SORBS2: variants seen among roughly 807,000 people sequenced by gnomAD.
The protein encoded by SORBS2 is sorbin and SH3 domain-containing protein 2.
A neutral mutation model predicts 97.7 loss-of-function variants in SORBS2; 46 were observed. The ratio of observed to expected loss-of-function variants is 0.47; its 90% CI spans 0.37 to 0.60. SORBS2 has a LOEUF of 0.60. Ranked by LOEUF, SORBS2 falls within the 20% of genes least tolerant of loss-of-function variation. The pLI, the probability that SORBS2 is intolerant of heterozygous loss-of-function variation, is 0.00. For missense variants in SORBS2, 1,316 were observed against 1,282.3 expected, an observed-to-expected ratio of 1.03 and a Z score of -0.40; for synonymous variants, 476 against 473.4, an observed-to-expected ratio of 1.01 and a Z score of -0.07.
intron 1 of SORBS2, among the ~76,000 whole-genome samples, chr4:185,838,361 A>G (rs1028357649): frequency 3.3e-5 from 5 of 152,096 alleles, no homozygotes; most frequent in Non-Finnish European, 5.9e-5. Flanking sequence ...TGGGCAGGCC[A>G]CCATCATGCC....
chr4:185,717,686 C>T (rs1019100178), intron 2 of SORBS2, among the ~76,000 whole-genome samples: 1 of 152,166 alleles, frequency 6.6e-6, no homozygotes, highest in Non-Finnish European at 1.5e-5. Flanking sequence ...GACTGTGATA[C>T]TTCTGAGCCC....
intron 1 of SORBS2, among the ~76,000 whole-genome samples, chr4:185,891,774 A>T (rs2099242656): frequency 6.6e-6 from 1 of 152,182 alleles, no homozygotes; most frequent in African/African-American, 2.4e-5. Context: ...GCAATGCCAT[A>T]GTCTCAGTGA....
In SORBS2 at chr4:185,615,170, CA is replaced by C. The variant is rs1561425130; in HGVS notation, c.2352-12del. ...TTAAATGACAACTCCCTGGAAGAGA[CA>C]CGTTGACATGGTCTTTTTGTGATGT... On this transcript the variant is annotated splice_polypyrimidine_tract_variant and intron_variant, in intron 9 of 14. Coordinates refer to ENST00000418609, the Ensembl canonical transcript of SORBS2. 4 of 1,477,130 alleles carry C rather than the reference CA, an allele frequency of 2.7e-6. No homozygotes were observed. Among genetic ancestry groups the C allele is most frequent in the Middle Eastern group, 3.5e-4 (2 of 5,776 alleles). The allele number at this position is 1,477,130 out of a possible 1,614,324, so 91.5% of individuals were successfully genotyped here.
intron 1 of SORBS2, among the ~76,000 whole-genome samples, chr4:185,934,781 C>CAAAAAAAA (rs397996572): frequency 9.9e-6 from 1 of 100,848 alleles, no homozygotes. Flanking sequence ...GACTCCATCT[C>CAAAAAAAA]AAAAAAAAAA....
intron 4 of SORBS2, among the ~76,000 whole-genome samples, chr4:185,668,825 T>G (rs750810776): frequency 6.6e-6 from 1 of 152,170 alleles, no homozygotes; most frequent in Non-Finnish European, 1.5e-5. Flanking sequence ...AAGGCTAAGG[T>G]GTTTGAATAG....
intron 4 of SORBS2, among the ~76,000 whole-genome samples, chr4:185,643,558 G>C (rs561757991): frequency 6.6e-6 from 1 of 152,174 alleles, no homozygotes; most frequent in Non-Finnish European, 1.5e-5. Context: ...GTAGGGAAAT[G>C]AATCAGGTGG....
Position 185,807,988 on chromosome 4 carries a change from G to A in SORBS2, c.-337-32622C>T, listed in dbSNP as rs533963400. Among the ~76,000 whole-genome samples, 31 of 152,086 alleles carry A rather than the reference G, an allele frequency of 2.0e-4. No individual in the cohort carries two copies. In the South Asian group the frequency reaches 6.0e-3, roughly 30 times the overall value. On this transcript the variant is annotated intron_variant, in intron 1 of 20. Transcript: ENST00000284776. ...ATAGAAAATGTTAGAAACAGTACAGGCATATTACAAAATCATGGTTTCTGA... is the reference window on the plus strand; with the variant it reads ...ATAGAAAATGTTAGAAACAGTACAGACATATTACAAAATCATGGTTTCTGA...
chr4:185,629,052 T>C (rs1226234310), intron 5 of SORBS2, among the ~76,000 whole-genome samples: 5 of 152,224 alleles, frequency 3.3e-5, no homozygotes, highest in Non-Finnish European at 5.9e-5. Flanking sequence ...GTGCTTTCTT[T>C]ATGTTTTTGT....
chr4:185,752,466 T>C (rs577380912), intron 2 of SORBS2, among the ~76,000 whole-genome samples: 53 of 152,244 alleles, frequency 3.5e-4, no homozygotes, highest in East Asian at 9.7e-4. Flanking sequence ...TTAGTAGATA[T>C]GGGGTTTCAC....
At chr4:185,753,573 A>T (rs2098813614) in intron 2 of SORBS2, among the ~76,000 whole-genome samples, 1 of 152,214 alleles carries the variant, frequency 6.6e-6, no homozygotes, top group Admixed American at 6.5e-5. Flanking sequence ...TAAAGTAAAA[A>T]AGATAATTTT....
At chr4:185,748,097 A>T (rs531522602) in intron 2 of SORBS2, among the ~76,000 whole-genome samples, 43 of 152,134 alleles carry the variant, frequency 2.8e-4, no homozygotes, top group Non-Finnish European at 1.3e-4. Context: ...TATTTAAGGT[A>T]CATTTTGTAA....
chr4:185,591,428 AG>A (rs748860051), intron 13 of SORBS2, among the ~76,000 whole-genome samples: 2 of 152,194 alleles, frequency 1.3e-5, no homozygotes, highest in Non-Finnish European at 2.9e-5. Context: ...GTGGCCAAAA[AG>A]ACAGGCAGGT....
chr4:185,806,170 C>G (rs905664377), intron 1 of SORBS2, among the ~76,000 whole-genome samples: 3 of 152,220 alleles, frequency 2.0e-5, no homozygotes, highest in Non-Finnish European at 4.4e-5. Context: ...ACCAGCCAGG[C>G]TGCTGCCTCT....
chr4:185,635,517 G>T, intron 4 of SORBS2, 106 bp from the exon 16 acceptor site: 1 of 817,794 alleles, frequency 1.2e-6, no homozygotes, highest in Non-Finnish European at 2.0e-6. Context: ...GTTAGAAATT[G>T]AGTGTTGACA....
In SORBS2 at chr4:185,894,783, G is replaced by A. The variant is rs2099244200; in HGVS notation, c.-338+61413C>T. Reference sequence around the variant, plus strand: ...AAAACACACCATCATCCCAGATGATGCAACCCACTCCCTCAGCAAACATCA... The same window carrying A: ...AAAACACACCATCATCCCAGATGATACAACCCACTCCCTCAGCAAACATCA... On this transcript the variant is annotated intron_variant, in intron 1 of 20. Transcript: ENST00000284776. 3.3e-5 allele frequency among the ~76,000 whole-genome samples: 5 copies of A among 152,312 alleles called. No homozygotes were observed. The South Asian group carries it at 1.0e-3, about 32-fold the overall frequency.
intron 2 of SORBS2, chr4:185,771,495 A>T (rs1467323434): frequency 6.6e-6 from 1 of 152,252 alleles, no homozygotes; most frequent in Non-Finnish European, 1.5e-5. Flanking sequence ...TAAATGCTAC[A>T]CTATGACTGG....
At chr4:185,692,776 G>C (rs926116456) in intron 2 of SORBS2, among the ~76,000 whole-genome samples, 1 of 147,030 alleles carries the variant, frequency 6.8e-6, no homozygotes, top group African/African-American at 2.5e-5. Context: ...TGTAATCCTC[G>C]TTTTGCTATA....
exon 7 of SORBS2, chr4:185,624,234 A>G: frequency 1.9e-6 from 3 of 1,614,148 alleles, no homozygotes; most frequent in Non-Finnish European, 2.5e-6. Flanking sequence ...GGGTCCGGGA[A>G]GCTATCGCAG....
intron 1 of SORBS2, among the ~76,000 whole-genome samples, chr4:185,794,048 C>T (rs1397532552): frequency 6.6e-6 from 1 of 151,894 alleles, no homozygotes; most frequent in Non-Finnish European, 1.5e-5. Flanking sequence ...GAAAGTCTGT[C>T]AAAAAGCATT....
Sources: allele counts gnomAD v4.1 joint callset (sites outside exome capture counted in the v4.1 genomes callset), GRCh38; gene constraint gnomAD v4.1.1; transcripts MANE v1.5; gene names NCBI Gene and HGNC (gene_info 2026-07-23, HGNC 2026-07-21).